Variants in FRAT2 observed in about 807,000 individuals in gnomAD.
FRAT2 encodes the protein FRAT regulator of Wnt signaling pathway 2, also known as GSK-3-binding protein FRAT2.
For missense variants in FRAT2, 326 were observed against 340.8 expected, an observed-to-expected ratio of 0.96 and a Z score of 0.34; for synonymous variants, 205 against 171.5, an observed-to-expected ratio of 1.20 and a Z score of -1.53.
chr10:97,334,523 C>A lies in FRAT2; in HGVS notation c.50G>T (p.Gly17Val). ...EEEEAGEEAE[G>V]EEEEDDSFLL... is the part of the protein sequence containing the mutation. The stretch of plus-strand genomic sequence containing the variant: ...GAAGCTGTCGTCCTCCTCTTCCTCC[C>A]CCTCCGCCTCCTCGCCGGCTTCCTC... Residue 17 changes from glycine (G) to valine (V), a missense_variant, in exon 1 of 1, where the codon GGG becomes GTG. Gly to Val is a moderately radical substitution (Grantham distance 109, BLOSUM62 -3). Transcript: ENST00000371019. 1 of 1,494,836 alleles carries A rather than the reference C, an allele frequency of 6.7e-7. No individual in the cohort carries two copies. Among genetic ancestry groups the A allele is most frequent in the Non-Finnish European group, 8.9e-7 (1 of 1,126,876 alleles). The allele number at this position is 1,494,836 out of a possible 1,614,324, so 92.6% of individuals were successfully genotyped here.
Position 97,333,994 on chromosome 10 carries a change from C to T in FRAT2, c.579G>A (p.Val193=), listed in dbSNP as rs765834844. 6 of 1,591,494 alleles carry T rather than the reference C, an allele frequency of 3.8e-6. No homozygotes were observed. The East Asian group carries it at 6.8e-5, about 18-fold the overall frequency. Residue 193 remains valine (V), a synonymous_variant, in exon 1 of 1, where the codon GTG becomes GTA. Transcript: ENST00000371019. Reference sequence around the variant, plus strand: ...CGGCGACGGCTCGTTGGAGTCTCCGCACGGCTTCCTTGATGAGGTTTCCCG... The same window carrying T: ...CGGCGACGGCTCGTTGGAGTCTCCGTACGGCTTCCTTGATGAGGTTTCCCG... The part of the protein sequence containing the change: ...VLSGNLIKEA[V]RRLQRAVAAV...
Position 97,334,241 on chromosome 10 carries a change from A to T in FRAT2, c.332T>A (p.Leu111Gln), listed in dbSNP as rs1333167861. The change falls in exon 1 of 1, where the codon CTG (leucine) becomes CAG (glutamine). Residue 111 changes from leucine to glutamine, a missense_variant. Coordinates refer to ENST00000371019, the MANE Select transcript of FRAT2 (RefSeq NM_012083.3). Reference sequence around the variant, plus strand: ...GCCGCGGTCCCCTAGGGCGCAGCGCAGGGCCCCAGAGGGCGCCGGGCCCAC... The same window carrying T: ...GCCGCGGTCCCCTAGGGCGCAGCGCTGGGCCCCAGAGGGCGCCGGGCCCAC... ...ETVGPAPSGA[L>Q]RCALGDRGRV... The T allele has an allele frequency of 2.7e-5, 32 of 1,197,504 alleles. No individual in the cohort carries two copies. Among genetic ancestry groups the T allele is most frequent in the Non-Finnish European group, 2.2e-5 (21 of 967,244 alleles). The allele number at this position is 1,197,504 out of a possible 1,614,324, so 74.2% of individuals were successfully genotyped here.
Position 97,334,081 on chromosome 10 carries a change from G to A in FRAT2, c.492C>T (p.Thr164=). The stretch of plus-strand genomic sequence containing the variant: ...CGTCGCCGGCGCGTGCCCCGGCTTG[G>A]GTCCATCGGCGCTGCTGCAAGCGGC... ...TSRRLQQRRW[T]QAGARAGDDD... The change falls in exon 1 of 1, where the codon ACC becomes ACT. Residue 164 remains threonine (T), a synonymous_variant. Coordinates refer to ENST00000371019, the MANE Select transcript of FRAT2 (RefSeq NM_012083.3). 6.3e-7 allele frequency: 1 copy of A among 1,592,914 alleles called. No homozygotes were observed. Among genetic ancestry groups the A allele is most frequent in the Non-Finnish European group, 8.5e-7 (1 of 1,177,842 alleles).
At position 97,334,265 on chromosome 10, in the gene FRAT2, AC is replaced by A; in HGVS notation, c.307del (p.Val103TrpfsTer13). 1 of 1,181,592 alleles carries A rather than the reference AC, an allele frequency of 8.5e-7. No individual in the cohort carries two copies. Among genetic ancestry groups the A allele is most frequent in the Non-Finnish European group, 1.0e-6 (1 of 957,046 alleles). 73.2% of individuals were successfully genotyped at this position (1,181,592 alleles called of 1,614,324 possible). On this transcript the variant is annotated frameshift_variant, in exon 1 of 1. Transcript: ENST00000371019. LOFTEE classifies it low-confidence loss of function (END_TRUNC). ...CAGGGCCCCAGAGGGCGCCGGGCCC[AC>A]CGTCTCAGCCGAAGCGGGCGGCAGC... is the stretch of plus-strand genomic sequence containing the variant. ...LLLPPASAET[V>X]GPAPSGALRC...
Position 97,334,202 on chromosome 10 carries a change from C to CAG in FRAT2, c.370_371insCT (p.Arg124ProfsTer125). 3 of 1,273,418 alleles carry CAG rather than the reference C, an allele frequency of 2.4e-6. No homozygotes were observed. The highest frequency in any genetic ancestry group is 2.8e-5 in the South Asian group (1 of 36,252). The allele number at this position is 1,273,418 out of a possible 1,614,324, so 78.9% of individuals were successfully genotyped here. A position where few individuals can be genotyped will look rare whatever the true frequency, so the allele number is the denominator to read the frequency against. ...CTCCGCCACGCAGTAGGGCGCAGCG[C>CAG]GTCCGCGCACGCGGCCGCGGTCCCC... On this transcript the variant is annotated frameshift_variant, in exon 1 of 1. Coordinates refer to ENST00000371019, the MANE Select transcript of FRAT2 (RefSeq NM_012083.3). LOFTEE classifies it low-confidence loss of function (END_TRUNC).
chr10:97,334,634 C>T lies in FRAT2; in HGVS notation c.-62G>A, dbSNP rs1727370611. The T allele has an allele frequency of 7.7e-7, 1 of 1,301,732 alleles. No homozygotes were observed. Among genetic ancestry groups the T allele is most frequent in the Non-Finnish European group, 9.8e-7 (1 of 1,021,592 alleles). The allele number at this position is 1,301,732 out of a possible 1,614,324, so 80.6% of individuals were successfully genotyped here. A position where few individuals can be genotyped will look rare whatever the true frequency, so the allele number is the denominator to read the frequency against. On this transcript the variant is annotated 5_prime_UTR_variant, in exon 1 of 1. Transcript: ENST00000371019. ...CGCTGGGGGCTTGGTTGCCCGCGGG[C>T]GCGGAGCTGCGGGCGAAGCCGGAGC...
At position 97,334,661 on chromosome 10, in the gene FRAT2, G is replaced by A. The variant is rs2134973916; in HGVS notation, c.-89C>T. 1 of 1,282,368 alleles carries A rather than the reference G, an allele frequency of 7.8e-7. No homozygotes were observed. The highest frequency in any genetic ancestry group is 2.2e-5 in the South Asian group (1 of 44,800). 79.4% of individuals were successfully genotyped at this position (1,282,368 alleles called of 1,614,324 possible). A position where few individuals can be genotyped will look rare whatever the true frequency, so the allele number is the denominator to read the frequency against. ...CGGAGCTGCGGGCGAAGCCGGAGCA[G>A]GGGCGGACGCGGAAGCCGGAGCCCG... On this transcript the variant is annotated 5_prime_UTR_variant, in exon 1 of 1. Transcript: ENST00000371019.
rs75400219 is a variant in FRAT2, at chr10:97,333,496, G to A, written c.*375C>T. 8 of 229,186 alleles carry A rather than the reference G, an allele frequency of 3.5e-5. No homozygotes were observed. The East Asian group carries it at 6.0e-4, about 17-fold the overall frequency. The allele number at this position is 229,186 out of a possible 1,614,324, so 14.2% of individuals were successfully genotyped here. ...TTTCAAGTATTGTTATAAAGCCATC[G>A]CGATTCCTACCCCTGAGCCCTCCTT... On this transcript the variant is annotated 3_prime_UTR_variant, in exon 1 of 1. Transcript: ENST00000371019.
chr10:97,333,903 T>C lies in FRAT2; in HGVS notation c.670A>G (p.Ile224Val). ...PGGGRSGPDR[I>V]ALQPSGSLL ...AAGGAGCCTGAGGGCTGCAGGGCAA[T>C]GCGGTCAGGTCCGCTGCGGCCTCCC... Residue 224 changes from isoleucine (I) to valine (V), a missense_variant, in exon 1 of 1, where the codon ATT becomes GTT. Transcript: ENST00000371019. The C allele has an allele frequency of 6.4e-7, 1 of 1,563,790 alleles. No individual in the cohort carries two copies. Among genetic ancestry groups the C allele is most frequent in the Non-Finnish European group, 8.6e-7 (1 of 1,161,684 alleles).
chr10:97,334,483 C>G lies in FRAT2; in HGVS notation c.90G>C (p.Gln30His), dbSNP rs376741970. The change falls in exon 1 of 1, where the codon CAG (glutamine) becomes CAC (histidine). Residue 30 changes from glutamine to histidine, a missense_variant. Transcript: ENST00000371019. ...EEDDSFLLLQ[Q>H]SVTLGSSGEV... ...CGCCCGAGCTGCCCAGCGTCACCGA[C>G]TGCTGCAGCAGGAGGAAGCTGTCGT... 6.0e-6 allele frequency: 9 copies of G among 1,493,822 alleles called. No individual in the cohort carries two copies. The highest frequency in any genetic ancestry group is 3.6e-6 in the Non-Finnish European group (4 of 1,126,742). 92.5% of individuals were successfully genotyped at this position (1,493,822 alleles called of 1,614,324 possible).
rs776694518 is a variant in FRAT2, at chr10:97,333,973, G to A, written c.600C>T (p.Val200=). ...CGGGGCCCGTGGCTGCAACCGCGGC[G>A]ACGGCTCGTTGGAGTCTCCGCACGG... is the stretch of plus-strand genomic sequence containing the variant. ...KEAVRRLQRA[V]AAVAATGPAS... Residue 200 remains valine, a synonymous_variant, in exon 1 of 1, where the codon GTC becomes GTT. Coordinates refer to ENST00000371019, the MANE Select transcript of FRAT2 (RefSeq NM_012083.3). 1.3e-6 allele frequency: 2 copies of A among 1,582,998 alleles called. No homozygotes were observed. The highest frequency in any genetic ancestry group is 1.7e-6 in the Non-Finnish European group (2 of 1,172,476).
Position 97,334,098 on chromosome 10 carries a change from G to A in FRAT2, c.475C>T (p.Gln159Ter). 1 of 1,586,696 alleles carries A rather than the reference G, an allele frequency of 6.3e-7. No individual in the cohort carries two copies. Among genetic ancestry groups the A allele is most frequent in the South Asian group, 1.1e-5 (1 of 89,470 alleles). ...CCGGCTTGGGTCCATCGGCGCTGCT[G>A]CAAGCGGCGGGAGGTGACCGCGTCC... Reference protein sequence around the residue: ...LRDAVTSRRLQQRRWTQAGAR... With the variant: ...LRDAVTSRRL Residue 159 changes from glutamine to a stop codon, truncating the protein, a stop_gained, in exon 1 of 1, where the codon CAG becomes TAG. Transcript: ENST00000371019. LOFTEE classifies it low-confidence loss of function (END_TRUNC).
In FRAT2 at chr10:97,334,282, G is replaced by T; in HGVS notation, c.291C>A (p.Pro97=). The T allele has an allele frequency of 8.6e-7, 1 of 1,165,520 alleles. No individual in the cohort carries two copies. Among genetic ancestry groups the T allele is most frequent in the Non-Finnish European group, 1.1e-6 (1 of 946,576 alleles). 72.2% of individuals were successfully genotyped at this position (1,165,520 alleles called of 1,614,324 possible). The change falls in exon 1 of 1, where the codon CCC becomes CCA. Residue 97 remains proline, a synonymous_variant. Coordinates refer to ENST00000371019, the MANE Select transcript of FRAT2 (RefSeq NM_012083.3). ...RPPAVPLLLP[P]ASAETVGPAP... is the part of the protein sequence containing the mutation. ...CCGGGCCCACCGTCTCAGCCGAAGC[G>T]GGCGGCAGCAGCAGCGGCACCGCCG...
rs1418635207 is a variant in FRAT2 at position 97,334,714 on chromosome 10, C to G, written c.-142G>C. ...AGGCACTCGAGCCACGCGCCTGCAG[C>G]CGCTGGAGCCGGAATCCTGCCGGCT... On this transcript the variant is annotated 5_prime_UTR_variant, in exon 1 of 1. Coordinates refer to ENST00000371019, the MANE Select transcript of FRAT2 (RefSeq NM_012083.3). The G allele has an allele frequency of 3.0e-6, 3 of 992,552 alleles. No homozygotes were observed. Among genetic ancestry groups the G allele is most frequent in the South Asian group, 5.9e-5 (2 of 33,898 alleles). 61.5% of individuals were successfully genotyped at this position (992,552 alleles called of 1,614,324 possible). A position where few individuals can be genotyped will look rare whatever the true frequency, so the allele number is the denominator to read the frequency against.
In FRAT2 at chr10:97,332,930, CAAGA is replaced by C. The variant is rs745933809; in HGVS notation, c.*937_*940del. On this transcript the variant is annotated 3_prime_UTR_variant, in exon 1 of 1. Coordinates refer to ENST00000371019, the MANE Select transcript of FRAT2 (RefSeq NM_012083.3). ...GAATAAGAAAGCTCAGCTGGGAGGA[CAAGA>C]AAGAGACTCAAGAGATCGTTTATGA... 1 of 152,244 alleles carries C rather than the reference CAAGA, an allele frequency of 6.6e-6. No individual in the cohort carries two copies. Among genetic ancestry groups the C allele is most frequent in the African/African-American group, 2.4e-5 (1 of 41,438 alleles). The allele number at this position is 152,244 out of a possible 1,614,324, so 9.4% of individuals were successfully genotyped here. A position where few individuals can be genotyped will look rare whatever the true frequency, so the allele number is the denominator to read the frequency against.
At position 97,333,137 on chromosome 10, in the gene FRAT2, AG is replaced by A. The variant is rs1843541191; in HGVS notation, c.*733del. ...CAGGGCTCTTCTTGGAGCAAGAGAA[AG>A]AAAAGACTCCGGGGTGAGTAAGCTC... On this transcript the variant is annotated 3_prime_UTR_variant, in exon 1 of 1. Transcript: ENST00000371019. 1 of 152,278 alleles carries A rather than the reference AG, an allele frequency of 6.6e-6. No homozygotes were observed. 9.4% of individuals were successfully genotyped at this position (152,278 alleles called of 1,614,324 possible).
chr10:97,332,700 T>C lies in FRAT2; in HGVS notation c.*1171A>G, dbSNP rs1366124082. On this transcript the variant is annotated 3_prime_UTR_variant, in exon 1 of 1. Coordinates refer to ENST00000371019, the MANE Select transcript of FRAT2 (RefSeq NM_012083.3). ...CACCTTACAAAAGCGCCGTCAAGTT[T>C]CATACAGCCAGCGGCTTCTTCTCTG... 1 of 152,158 alleles carries C rather than the reference T, an allele frequency of 6.6e-6. No homozygotes were observed. Among genetic ancestry groups the C allele is most frequent in the Non-Finnish European group, 1.5e-5 (1 of 68,048 alleles). The allele number at this position is 152,158 out of a possible 1,614,324, so 9.4% of individuals were successfully genotyped here.
rs1195846506 is a variant in FRAT2 at position 97,334,651 on chromosome 10, A to G, written c.-79T>C. 27 of 1,295,230 alleles carry G rather than the reference A, an allele frequency of 2.1e-5. No individual in the cohort carries two copies. In the East Asian group the frequency reaches 7.9e-4, roughly 38 times the overall value. 80.2% of individuals were successfully genotyped at this position (1,295,230 alleles called of 1,614,324 possible). A position where few individuals can be genotyped will look rare whatever the true frequency, so the allele number is the denominator to read the frequency against. On this transcript the variant is annotated 5_prime_UTR_variant, in exon 1 of 1. Coordinates refer to ENST00000371019, the MANE Select transcript of FRAT2 (RefSeq NM_012083.3). ...CCCGCGGGCGCGGAGCTGCGGGCGA[A>G]GCCGGAGCAGGGGCGGACGCGGAAG...
Position 97,333,895 on chromosome 10 carries a change from C to T in FRAT2, c.678G>A (p.Leu226=), listed in dbSNP as rs757850662. 5.1e-5 allele frequency: 79 copies of T among 1,556,442 alleles called. No individual in the cohort carries two copies. The highest frequency in any genetic ancestry group is 6.6e-5 in the Non-Finnish European group (76 of 1,157,850). Residue 226 remains leucine, a synonymous_variant, in exon 1 of 1, where the codon CTG becomes CTA. Transcript: ENST00000371019. ...GGRSGPDRIA[L]QPSGSLL is the part of the protein sequence containing the mutation. ...GTCAGAGCAAGGAGCCTGAGGGCTG[C>T]AGGGCAATGCGGTCAGGTCCGCTGC... is the stretch of plus-strand genomic sequence containing the variant.
Sources: gnomAD v4.1 joint callset for allele counts on GRCh38, gnomAD v4.1.1 for gene constraint, MANE v1.5 for transcripts, NCBI Gene and HGNC (gene_info 2026-07-23, HGNC 2026-07-21) for gene names.